DLG2: variants seen among roughly 807,000 people sequenced by gnomAD.
DLG2 encodes the protein disks large homolog 2.
Under a neutral mutation model 132.5 loss-of-function variants are expected in DLG2, and 45 were observed. The observed-to-expected ratio is 0.34, with a 90% CI of 0.27 to 0.44. DLG2 has a LOEUF of 0.44. Among genes scored for constraint, DLG2 ranks in the 20% least tolerant of loss-of-function variants. The probability of loss-of-function intolerance (pLI) is 1.00; values close to 1 mark genes in which losing one functional copy is unlikely to be tolerated. For synonymous variants in DLG2, 424 were observed against 419.6 expected, an observed-to-expected ratio of 1.01 and a Z score of -0.13; for missense variants, 1,045 against 1,196.9, an observed-to-expected ratio of 0.87 and a Z score of 1.87.
chr11:84,251,067 T>C (rs1038387016), intron 8 of DLG2, among the ~76,000 whole-genome samples, 171 bp downstream of exon 8: 11 of 152,190 alleles, frequency 7.2e-5, no homozygotes, highest in Admixed American at 2.6e-4. Flanking sequence ...GAGGGAAATA[T>C]TTGATGACTA....
rs528043699 is a variant in DLG2 at position 84,316,627 on chromosome 11, G to T, written c.520-65336C>A. On this transcript the variant is annotated intron_variant, in intron 7 of 27. Coordinates refer to ENST00000376104, the MANE Select transcript of DLG2 (RefSeq NM_001142699.3). ...AAGTCAGTGAAATAAACTGAGCACG[G>T]CATCCCTAGACTTTCACAGGCCACC... 1.3e-3 allele frequency among the ~76,000 whole-genome samples: 195 copies of T among 152,206 alleles called. 1 individual carries two copies. The highest frequency in any genetic ancestry group is 2.4e-3 in the Non-Finnish European group (164 of 68,008).
chr11:84,033,938 G>T (rs552085238), intron 11 of DLG2, among the ~76,000 whole-genome samples: 9 of 151,890 alleles, frequency 5.9e-5, no homozygotes, highest in African/African-American at 2.2e-4. Flanking sequence ...ACAGTTAGCC[G>T]GGCATGTTGG....
At chr11:85,075,634 A>T (rs1221807745) in intron 6 of DLG2, among the ~76,000 whole-genome samples, 1 of 151,886 alleles carries the variant, frequency 6.6e-6, no homozygotes, top group East Asian at 1.9e-4. Context: ...ATATGCACAC[A>T]ACTGCACAAT....
chr11:85,356,668 A>G (rs1329798766), intron 3 of DLG2, among the ~76,000 whole-genome samples: 1 of 152,136 alleles, frequency 6.6e-6, no homozygotes, highest in African/African-American at 2.4e-5. Flanking sequence ...ATTTTTTCAT[A>G]TTTACAAAAG....
At chr11:84,013,017 A>G (rs1214148013) in intron 11 of DLG2, among the ~76,000 whole-genome samples, 1 of 152,186 alleles carries the variant, frequency 6.6e-6, no homozygotes, top group Non-Finnish European at 1.5e-5. Flanking sequence ...GTCTGTCCCT[A>G]TAAATGATGT....
intron 21 of DLG2, among the ~76,000 whole-genome samples, chr11:83,493,089 T>C (rs11607886): frequency 0.62 from 93,818 of 151,988 alleles, 29,567 homozygotes; most frequent in African/African-American, 0.73. Context: ...CCTCACTGTC[T>C]TCCTGCCACA....
At chr11:85,013,575 A>G (rs187303763) in intron 6 of DLG2, among the ~76,000 whole-genome samples, 113 of 152,334 alleles carry the variant, frequency 7.4e-4, no homozygotes, top group African/African-American at 2.6e-3. Flanking sequence ...TTCTCTGATG[A>G]TTTGAAAAGT....
intron 3 of DLG2, among the ~76,000 whole-genome samples, chr11:85,364,777 ATG>A (rs1012607029): frequency 5.3e-5 from 8 of 152,204 alleles, no homozygotes; most frequent in African/African-American, 1.7e-4. Context: ...ATGACATAGA[ATG>A]TGATTTCAGA....
intron 6 of DLG2, among the ~76,000 whole-genome samples, chr11:84,617,563 G>C (rs780061674): frequency 1.3e-5 from 2 of 152,088 alleles, no homozygotes; most frequent in Non-Finnish European, 2.9e-5. Context: ...TGGCCACACT[G>C]TCTTCCACAA....
intron 6 of DLG2, among the ~76,000 whole-genome samples, chr11:84,674,269 T>G (rs1382101478): frequency 6.6e-6 from 1 of 152,112 alleles, no homozygotes; most frequent in Non-Finnish European, 1.5e-5. Flanking sequence ...TGGTAATAGC[T>G]CCTCACACAG....
At chr11:83,463,410 T>G (rs1463285018) in intron 26 of DLG2, among the ~76,000 whole-genome samples, 3 of 152,212 alleles carry the variant, frequency 2.0e-5, no homozygotes, top group Non-Finnish European at 4.4e-5. Context: ...ATGCTGTGAA[T>G]GGATGTTACT....
chr11:83,462,208 GT>G, intron 26 of DLG2, 115 bp from the exon 27 acceptor site: 1 of 697,704 alleles, frequency 1.4e-6, no homozygotes, highest in Non-Finnish European at 2.5e-6. Context: ...TTAGCAACAG[GT>G]TTTTAGTCTT....
At chr11:84,078,991 C>T (rs1470142478) in intron 10 of DLG2, among the ~76,000 whole-genome samples, 1 of 152,116 alleles carries the variant, frequency 6.6e-6, no homozygotes, top group East Asian at 1.9e-4. Context: ...TTGTCATCCT[C>T]AAAGTCATTC....
chr11:83,842,091 T>G (rs1357917422), intron 16 of DLG2, among the ~76,000 whole-genome samples: 1 of 152,214 alleles, frequency 6.6e-6, no homozygotes, highest in Non-Finnish European at 1.5e-5. Context: ...ATGTAAAAAG[T>G]CTTTAAAATT....
chr11:84,945,850 T>C (rs1024519161), intron 6 of DLG2, among the ~76,000 whole-genome samples: 1 of 152,118 alleles, frequency 6.6e-6, no homozygotes, highest in African/African-American at 2.4e-5. Context: ...ATCCAGGATC[T>C]GGATTTGGGA....
intron 18 of DLG2, among the ~76,000 whole-genome samples, chr11:83,657,936 T>C (rs1054715831): frequency 6.6e-6 from 1 of 152,198 alleles, no homozygotes; most frequent in African/African-American, 2.4e-5. Context: ...ATTTCTTTCA[T>C]GAGCACACAC....
At chr11:85,484,185 C>T (rs987859124) in intron 3 of DLG2, among the ~76,000 whole-genome samples, 10 of 137,460 alleles carry the variant, frequency 7.3e-5, no homozygotes, top group East Asian at 4.2e-4. Flanking sequence ...AACCCGGTGG[C>T]GGATCTTTCC....
At chr11:85,559,680 A>G (rs2153223421) in intron 3 of DLG2, among the ~76,000 whole-genome samples, 1 of 151,912 alleles carries the variant, frequency 6.6e-6, no homozygotes, top group South Asian at 2.1e-4. Context: ...TATTTAAGAC[A>G]GGTAAATACC....
intron 3 of DLG2, among the ~76,000 whole-genome samples, chr11:85,434,740 G>C (rs1278543658): frequency 6.6e-6 from 1 of 152,108 alleles, no homozygotes; most frequent in Non-Finnish European, 1.5e-5. Context: ...AATTCTACCA[G>C]AAATACAAAC....
Sources: gnomAD v4.1 joint callset for allele counts (sites outside exome capture counted in the v4.1 genomes callset) on GRCh38, gnomAD v4.1.1 for gene constraint, MANE v1.5 for transcripts, NCBI Gene and HGNC (gene_info 2026-07-23, HGNC 2026-07-21) for gene names.